The following EDIL3 variants were observed in gnomAD, a reference collection of about 807,000 sequenced individuals.
EDIL3 encodes the protein EGF like and discoidin domains 3, also known as EGF-like repeat and discoidin I-like domain-containing protein 3.
EDIL3 carries 37 observed loss-of-function variants against 67.4 expected under a neutral mutation model. The ratio of observed to expected loss-of-function variants is 0.55; its 90% CI spans 0.42 to 0.72. The LOEUF (loss-of-function observed/expected upper bound fraction) is 0.72. EDIL3 is among the 30% of genes least tolerant of loss of function. The pLI is 0.00. For synonymous variants in EDIL3, 195 were observed against 196.3 expected (o/e 0.99, Z 0.05); for missense variants, 527 against 586.3 (o/e 0.90, Z 1.04).
intron 9 of EDIL3, among the ~76,000 whole-genome samples, chr5:83,981,585 T>C (rs1744970841): frequency 6.6e-6 from 1 of 152,076 alleles, no homozygotes; most frequent in Non-Finnish European, 1.5e-5. Context: ...TGACACTATA[T>C]ATTTAGTTTT....
chr5:84,016,467 GT>G (rs1745608963), intron 9 of EDIL3, among the ~76,000 whole-genome samples: 1 of 151,994 alleles, frequency 6.6e-6, no homozygotes. Flanking sequence ...AATTCATCTA[GT>G]TTTCAACACA....
intron 1 of EDIL3, among the ~76,000 whole-genome samples, chr5:84,337,831 G>A (rs1248937597): frequency 6.6e-6 from 1 of 152,028 alleles, no homozygotes; most frequent in Admixed American, 6.6e-5. Context: ...TGTTGAATAA[G>A]AAATCATAAT....
intron 6 of EDIL3, among the ~76,000 whole-genome samples, chr5:84,087,268 A>AT (rs1747090918): frequency 6.6e-6 from 1 of 152,326 alleles, no homozygotes; most frequent in Non-Finnish European, 1.5e-5. Context: ...CTTCACAACA[A>AT]TTTTAAGAGG....
intron 9 of EDIL3, among the ~76,000 whole-genome samples, chr5:84,053,761 G>A (rs189950815): frequency 1.3e-5 from 2 of 152,164 alleles, no homozygotes; most frequent in African/African-American, 4.8e-5. Flanking sequence ...AAACCAGGAA[G>A]AAGTTGAATC....
At chr5:84,168,245 T>A (rs1007511142) in intron 4 of EDIL3, among the ~76,000 whole-genome samples, 2 of 152,192 alleles carry the variant, frequency 1.3e-5, no homozygotes, top group Non-Finnish European at 2.9e-5. Flanking sequence ...TTTTAGCATG[T>A]AATTATTAGT....
At chr5:84,032,749 T>G (rs1456250238) in intron 9 of EDIL3, among the ~76,000 whole-genome samples, 1 of 152,250 alleles carries the variant, frequency 6.6e-6, no homozygotes, top group African/African-American at 2.4e-5. Flanking sequence ...CTAATGGGAC[T>G]TTTTAAAGTA....
chr5:84,281,012 A>C (rs1268955577), intron 1 of EDIL3, among the ~76,000 whole-genome samples: 2 of 151,982 alleles, frequency 1.3e-5, no homozygotes, highest in Admixed American at 1.3e-4. Context: ...GATCATTGTG[A>C]AAATTAAATA....
rs183338414 is a variant in EDIL3, at chr5:84,050,600, C to T, written c.1137+9700G>A. 5.9e-5 allele frequency among the ~76,000 whole-genome samples: 9 copies of T among 152,294 alleles called. No homozygotes were observed. The East Asian group carries it at 9.7e-4, about 16-fold the overall frequency. ...TGTGACAGACGGCACCTGGAAAATCCGGTCACTCCCACCCTAATATTGTGC... is the reference window on the plus strand; with the variant it reads ...TGTGACAGACGGCACCTGGAAAATCTGGTCACTCCCACCCTAATATTGTGC... On this transcript the variant is annotated intron_variant, in intron 9 of 10. Transcript: ENST00000296591.
intron 1 of EDIL3, 100 bp downstream of exon 1, chr5:84,384,208 C>A: frequency 6.9e-7 from 1 of 1,450,968 alleles, no homozygotes; most frequent in African/African-American, 1.4e-5. Flanking sequence ...GCTCGCCACC[C>A]TTGGCACGCC....
intron 2 of EDIL3, among the ~76,000 whole-genome samples, chr5:84,232,091 T>C (rs746771376): frequency 8.5e-5 from 13 of 152,222 alleles, no homozygotes; most frequent in Non-Finnish European, 1.3e-4. Flanking sequence ...TGTGCCTTAT[T>C]GTATCACAAA....
intron 9 of EDIL3, among the ~76,000 whole-genome samples, chr5:84,057,952 G>A (rs951045471): frequency 4.6e-5 from 7 of 152,098 alleles, no homozygotes; most frequent in African/African-American, 1.7e-4. Flanking sequence ...AAATGGTATA[G>A]TGACAAAATT....
intron 3 of EDIL3, among the ~76,000 whole-genome samples, chr5:84,214,243 T>C (rs1010473107): frequency 6.6e-6 from 1 of 152,286 alleles, no homozygotes; most frequent in African/African-American, 2.4e-5. Context: ...ATCAATGTAA[T>C]GGATTTTTTT....
At chr5:84,378,862 G>A (rs1032535702) in intron 1 of EDIL3, among the ~76,000 whole-genome samples, 1 of 152,136 alleles carries the variant, frequency 6.6e-6, no homozygotes, top group South Asian at 2.1e-4. Flanking sequence ...GGTAGGCAGA[G>A]GTTTGACATT....
intron 3 of EDIL3, among the ~76,000 whole-genome samples, chr5:84,185,105 A>G (rs996914125): frequency 5.9e-5 from 9 of 152,194 alleles, no homozygotes; most frequent in Non-Finnish European, 8.8e-5. Flanking sequence ...AAATGGGCTC[A>G]GGGAGGATAA....
chr5:84,294,591 A>T (rs544801149), intron 1 of EDIL3, among the ~76,000 whole-genome samples: 1 of 152,128 alleles, frequency 6.6e-6, no homozygotes, highest in African/African-American at 2.4e-5. Flanking sequence ...TATCACACTC[A>T]AGAATTATAC....
intron 2 of EDIL3, among the ~76,000 whole-genome samples, chr5:84,250,565 G>A (rs1044996438): frequency 2.0e-5 from 3 of 152,136 alleles, no homozygotes; most frequent in South Asian, 2.1e-4. Context: ...GATGAGGATC[G>A]CTTGAAATAA....
At chr5:84,343,115 A>G (rs1032117837) in intron 1 of EDIL3, among the ~76,000 whole-genome samples, 2 of 152,136 alleles carry the variant, frequency 1.3e-5, no homozygotes, top group Admixed American at 6.6e-5. Flanking sequence ...CCTACATTAT[A>G]TATCTTCTTT....
intron 1 of EDIL3, among the ~76,000 whole-genome samples, chr5:84,263,581 T>G (rs1041041989): frequency 1.3e-5 from 2 of 152,194 alleles, no homozygotes; most frequent in African/African-American, 4.8e-5. Context: ...TCTGTGTTTC[T>G]AAATCATTGT....
intron 3 of EDIL3, among the ~76,000 whole-genome samples, chr5:84,183,809 T>G (rs898402595): frequency 6.6e-6 from 1 of 152,064 alleles, no homozygotes; most frequent in African/African-American, 2.4e-5. Context: ...TGAGAGCAGT[T>G]AAAACAGTGA....
Sources: gnomAD v4.1 joint callset for allele counts (sites outside exome capture counted in the v4.1 genomes callset) on GRCh38, gnomAD v4.1.1 for gene constraint, MANE v1.5 for transcripts, NCBI Gene and HGNC (gene_info 2026-07-23, HGNC 2026-07-21) for gene names.